The following RYR2 variants were observed in gnomAD, a reference collection of about 807,000 sequenced individuals.
The protein encoded by RYR2 is cardiac muscle ryanodine receptor-calcium release channel.
A neutral mutation model predicts 601.1 loss-of-function variants in RYR2; 227 were observed. That is an observed-to-expected ratio of 0.38 (90% CI 0.34 to 0.42). RYR2 has a LOEUF of 0.42. RYR2 is among the 10% of genes least tolerant of loss of function. The pLI, the probability that RYR2 is intolerant of heterozygous loss-of-function variation, is 1.00. For synonymous variants in RYR2, 2,223 were observed against 2,175.1 expected, an observed-to-expected ratio of 1.02 and a Z score of -0.61; for missense variants, 4,646 against 6,156.5, an observed-to-expected ratio of 0.75 and a Z score of 8.21.
intron 35 of RYR2, among the ~76,000 whole-genome samples, chr1:237,606,676 A>C (rs1299364158): frequency 6.6e-6 from 1 of 152,240 alleles, no homozygotes; most frequent in East Asian, 1.9e-4. Flanking sequence ...CAATCTTCTC[A>C]TCTGACAAAG....
intron 35 of RYR2, among the ~76,000 whole-genome samples, chr1:237,606,495 G>A (rs1282154622): frequency 6.6e-6 from 1 of 152,164 alleles, no homozygotes; most frequent in Non-Finnish European, 1.5e-5. Flanking sequence ...TACCATTCAG[G>A]ACATAGGCGT....
At chr1:237,270,821 C>T (rs1689611738) in intron 2 of RYR2, among the ~76,000 whole-genome samples, 1 of 152,116 alleles carries the variant, frequency 6.6e-6, no homozygotes, top group Admixed American at 6.5e-5. Context: ...TTAGCAAGAA[C>T]ACAGAAAGTC....
intron 70 of RYR2, 95 bp from the exon 71 acceptor site, chr1:237,711,650 C>T (rs566792652): frequency 2.6e-5 from 18 of 680,088 alleles, no homozygotes; most frequent in Middle Eastern, 7.4e-4. Context: ...CAAATTAATA[C>T]TTATCTCTGT....
At chr1:237,695,772 A>C (rs143698225) in intron 63 of RYR2, among the ~76,000 whole-genome samples, 1 of 152,212 alleles carries the variant, frequency 6.6e-6, no homozygotes, top group Non-Finnish European at 1.5e-5. Flanking sequence ...CTGGTCTACA[A>C]ATTAAAATAT....
intron 17 of RYR2, among the ~76,000 whole-genome samples, chr1:237,473,815 A>T (rs1229157519): frequency 4.6e-5 from 7 of 151,038 alleles, no homozygotes; most frequent in Non-Finnish European, 1.0e-4. Context: ...TTGAGGTAGG[A>T]CTCAACCGAC....
intron 60 of RYR2, among the ~76,000 whole-genome samples, chr1:237,676,144 C>T (rs560979073): frequency 8.5e-5 from 13 of 152,102 alleles, no homozygotes; most frequent in Admixed American, 5.9e-4. Flanking sequence ...ATCCGATATG[C>T]GTAGCAACTC....
chr1:237,137,150 A>G (rs1175023715), intron 1 of RYR2, among the ~76,000 whole-genome samples: 1 of 152,102 alleles, frequency 6.6e-6, no homozygotes, highest in Non-Finnish European at 1.5e-5. Flanking sequence ...ATCATCCAGT[A>G]ACATGATTTG....
In RYR2 at chr1:237,358,096, C is replaced by G. The variant is rs190227924; in HGVS notation, c.294+2111C>G. ...AATTTAACCCTCTACCCACCTAACC[C>G]AGGACTATTGAGACTCCTCTGTGGG... On this transcript the variant is annotated intron_variant, in intron 4 of 104. Transcript: ENST00000366574. Among the ~76,000 whole-genome samples, 41 of 152,240 alleles carry G rather than the reference C, an allele frequency of 2.7e-4. No individual in the cohort carries two copies. In the East Asian group the frequency reaches 7.9e-3, roughly 29 times the overall value.
intron 1 of RYR2, among the ~76,000 whole-genome samples, chr1:237,192,838 A>G (rs929004025): frequency 5.9e-5 from 9 of 152,170 alleles, no homozygotes; most frequent in Admixed American, 3.9e-4. Context: ...ATACTCATCA[A>G]TATGTATGAT....
intron 12 of RYR2, among the ~76,000 whole-genome samples, chr1:237,438,674 T>C (rs1204440910): frequency 6.6e-6 from 1 of 152,218 alleles, no homozygotes; most frequent in East Asian, 1.9e-4. Context: ...TTTTGTTGCT[T>C]GTGGTCCCTG....
intron 2 of RYR2, among the ~76,000 whole-genome samples, chr1:237,297,878 G>A (rs1468651406): frequency 6.6e-6 from 1 of 151,130 alleles, no homozygotes; most frequent in Non-Finnish European, 1.5e-5. Flanking sequence ...AGCCTCCCAA[G>A]TAGCTGGGAC....
intron 1 of RYR2, chr1:237,267,592 G>T: frequency 3.2e-6 from 1 of 312,604 alleles, no homozygotes; most frequent in South Asian, 2.3e-5. Flanking sequence ...TATTTTCTGG[G>T]TCCCTTTCTG....
At chr1:237,795,237 T>C in intron 95 of RYR2, 52 bp from the exon 96 acceptor site, 2 of 845,414 alleles carry the variant, frequency 2.4e-6, no homozygotes. Context: ...GATATGTTAT[T>C]ATTTGTCATT....
chr1:237,073,379 C>T (rs1278264524), intron 1 of RYR2, among the ~76,000 whole-genome samples: 1 of 152,050 alleles, frequency 6.6e-6, no homozygotes, highest in African/African-American at 2.4e-5. Flanking sequence ...AAGGGGACCA[C>T]GTAGGAAGTC....
At chr1:237,452,155 A>G (rs1382598172) in intron 14 of RYR2, among the ~76,000 whole-genome samples, 1 of 148,524 alleles carries the variant, frequency 6.7e-6, no homozygotes, top group African/African-American at 2.5e-5. Context: ...TTTAAGTAAT[A>G]TATAATGTGT....
rs570879275 is a variant in RYR2, at chr1:237,664,591, A to G, written c.8437-1921A>G. ...CCAGATCTTGTGAGACTTATTCACT[A>G]CCACAAGAACAGTATGGAGGAAAAT... On this transcript the variant is annotated intron_variant, in intron 56 of 104. Transcript: ENST00000366574. Among the ~76,000 whole-genome samples the G allele has an allele frequency of 5.3e-5, 8 of 152,308 alleles. No homozygotes were observed. In the South Asian group the frequency reaches 1.7e-3, roughly 32 times the overall value.
intron 1 of RYR2, among the ~76,000 whole-genome samples, chr1:237,103,441 G>T (rs893803006): frequency 6.6e-6 from 1 of 152,160 alleles, no homozygotes; most frequent in Non-Finnish European, 1.5e-5. Flanking sequence ...GAAGAACAGG[G>T]GACAGGTTAG....
At chr1:237,756,261 A>T (rs1441064550) in intron 80 of RYR2, 27 bp from the exon 81 acceptor site, 3 of 1,501,334 alleles carry the variant, frequency 2.0e-6, no homozygotes, top group Admixed American at 1.7e-5. Flanking sequence ...GATACCCTCA[A>T]CATAAATGGT....
In RYR2 at chr1:237,569,012, C is replaced by T. The variant is rs923744413; in HGVS notation, c.3424-133C>T. Reference sequence around the variant, plus strand: ...TTTTGCTTAGGACATTGCAGTAGACCGATATGCCAGCTGGAGTTTCTCCTA... The same window carrying T: ...TTTTGCTTAGGACATTGCAGTAGACTGATATGCCAGCTGGAGTTTCTCCTA... On this transcript the variant is annotated intron_variant, in intron 28 of 104. Coordinates refer to ENST00000366574, the MANE Select transcript of RYR2 (RefSeq NM_001035.3). 18 of 652,996 alleles carry T rather than the reference C, an allele frequency of 2.8e-5. 1 individual carries two copies. The highest frequency in any genetic ancestry group is 9.3e-5 in the South Asian group (3 of 32,356). The allele number at this position is 652,996 out of a possible 1,614,324, so 40.5% of individuals were successfully genotyped here.
Sources: allele counts gnomAD v4.1 joint callset (sites outside exome capture counted in the v4.1 genomes callset), GRCh38; gene constraint gnomAD v4.1.1; transcripts MANE v1.5; gene names NCBI Gene and HGNC (gene_info 2026-07-23, HGNC 2026-07-21).